Variants in SLC24A3 observed in about 807,000 individuals in gnomAD.
SLC24A3 encodes sodium/potassium/calcium exchanger 3.
In SLC24A3, 28 loss-of-function variants were observed where a neutral mutation model predicts 75.8. The ratio of observed to expected loss-of-function variants is 0.37; its 90% CI spans 0.27 to 0.51. The LOEUF (loss-of-function observed/expected upper bound fraction) is 0.51, where lower values mean the gene tolerates loss of function less well. Ranked by LOEUF, SLC24A3 falls within the 20% of genes least tolerant of loss-of-function variation. SLC24A3 has a pLI of 0.94. For synonymous variants in SLC24A3, 372 were observed against 334.1 expected, an observed-to-expected ratio of 1.11 and a Z score of -1.24; for missense variants, 663 against 847.8, an observed-to-expected ratio of 0.78 and a Z score of 2.71.
At chr20:19,227,377 C>T (rs914173747) in intron 1 of SLC24A3, among the ~76,000 whole-genome samples, 10 of 147,492 alleles carry the variant, frequency 6.8e-5, no homozygotes, top group Non-Finnish European at 1.2e-4. Flanking sequence ...TGCCGTATTT[C>T]AAAAGTCTTG....
chr20:19,229,943 C>T (rs1472381756), intron 1 of SLC24A3, among the ~76,000 whole-genome samples: 1 of 151,998 alleles, frequency 6.6e-6, no homozygotes, highest in African/African-American at 2.4e-5. Flanking sequence ...TCTTAGCTGA[C>T]TCCCCTTGTA....
chr20:19,293,492 C>T (rs570928493), intron 2 of SLC24A3, among the ~76,000 whole-genome samples: 2 of 151,882 alleles, frequency 1.3e-5, no homozygotes, highest in East Asian at 3.9e-4. Flanking sequence ...CCCATCTCTA[C>T]TAAAAATACA....
At chr20:19,507,059 CTAAA>C (rs898380882) in intron 2 of SLC24A3, among the ~76,000 whole-genome samples, 94 of 152,278 alleles carry the variant, frequency 6.2e-4, no homozygotes, top group African/African-American at 2.2e-3. Flanking sequence ...TTTCCAAAGA[CTAAA>C]TATTTAGAAA....
intron 6 of SLC24A3, among the ~76,000 whole-genome samples, chr20:19,607,734 C>G (rs550562637): frequency 6.6e-6 from 1 of 152,338 alleles, no homozygotes; most frequent in South Asian, 2.1e-4. Context: ...TCTTGGTCAA[C>G]TGGACTGCCA....
intron 1 of SLC24A3, among the ~76,000 whole-genome samples, chr20:19,272,708 T>C (rs1186350898): frequency 3.3e-5 from 5 of 152,234 alleles, no homozygotes; most frequent in Non-Finnish European, 7.3e-5. Context: ...ACCTGGGATC[T>C]TTTCTGTACG....
chr20:19,515,362 T>G, intron 2 of SLC24A3, 126 bp from the exon 3 acceptor site: 1 of 923,294 alleles, frequency 1.1e-6, no homozygotes, highest in Non-Finnish European at 1.7e-6. Context: ...TTTTGTGAAC[T>G]TAAAGATTCA....
intron 15 of SLC24A3, among the ~76,000 whole-genome samples, chr20:19,716,975 T>C (rs2033052342): frequency 1.3e-5 from 2 of 152,180 alleles, no homozygotes; most frequent in South Asian, 4.1e-4. Flanking sequence ...TTTACTAACA[T>C]CAGAAATGGA....
At chr20:19,667,996 T>C (rs1427577595) in intron 8 of SLC24A3, among the ~76,000 whole-genome samples, 2 of 152,082 alleles carry the variant, frequency 1.3e-5, no homozygotes, top group East Asian at 1.9e-4. Context: ...GATACATGAG[T>C]TGCAAATCCC....
intron 2 of SLC24A3, among the ~76,000 whole-genome samples, chr20:19,287,860 G>C (rs1482237556): frequency 6.6e-6 from 1 of 152,236 alleles, no homozygotes; most frequent in Admixed American, 6.5e-5. Context: ...TTCGACCTGT[G>C]TGATGCCAAG....
intron 6 of SLC24A3, among the ~76,000 whole-genome samples, chr20:19,606,941 C>G (rs1193189049): frequency 6.6e-6 from 1 of 152,192 alleles, no homozygotes; most frequent in Non-Finnish European, 1.5e-5. Flanking sequence ...CTTGGTACAC[C>G]TGTCAACCCT....
At chr20:19,232,312 A>G (rs1369462401) in intron 1 of SLC24A3, among the ~76,000 whole-genome samples, 1 of 152,212 alleles carries the variant, frequency 6.6e-6, no homozygotes, top group Non-Finnish European at 1.5e-5. Context: ...TTATTTTATG[A>G]ATATTTTTAT....
At chr20:19,265,588 C>G (rs1432485752) in intron 1 of SLC24A3, 1 of 152,142 alleles carries the variant, frequency 6.6e-6, no homozygotes, top group Non-Finnish European at 1.5e-5. Context: ...AAAAAGCCAG[C>G]CCAATCTGGC....
At chr20:19,435,595 G>C (rs1021763217) in intron 2 of SLC24A3, among the ~76,000 whole-genome samples, 2 of 152,196 alleles carry the variant, frequency 1.3e-5, no homozygotes, top group African/African-American at 4.8e-5. Context: ...TGTGCTTAAA[G>C]TACTCACGGT....
chr20:19,394,769 G>A (rs2122394276), intron 2 of SLC24A3, among the ~76,000 whole-genome samples: 1 of 152,288 alleles, frequency 6.6e-6, no homozygotes, highest in Non-Finnish European at 1.5e-5. Context: ...ACTCTTGGAG[G>A]GAATGTAAAA....
chr20:19,243,810 C>G (rs965698461), intron 1 of SLC24A3: 1 of 152,262 alleles, frequency 6.6e-6, no homozygotes, highest in Non-Finnish European at 1.5e-5. Context: ...GCCCCAGGCA[C>G]CACGCTCCTC....
chr20:19,396,864 C>A (rs1333100015), intron 2 of SLC24A3, among the ~76,000 whole-genome samples: 1 of 152,186 alleles, frequency 6.6e-6, no homozygotes, highest in Non-Finnish European at 1.5e-5. Flanking sequence ...ACTCTAACAT[C>A]TCCACTTGCC....
chr20:19,264,334 T>C (rs1392437139), intron 1 of SLC24A3, among the ~76,000 whole-genome samples: 2 of 152,078 alleles, frequency 1.3e-5, no homozygotes, highest in Non-Finnish European at 2.9e-5. Context: ...TCAGGTGCCA[T>C]GGGCAGTTCA....
intron 2 of SLC24A3, among the ~76,000 whole-genome samples, chr20:19,467,260 G>A (rs766066031): frequency 6.6e-6 from 1 of 152,306 alleles, no homozygotes; most frequent in Non-Finnish European, 1.5e-5. Context: ...ATATATTTGA[G>A]AATGAAAGAG....
At chr20:19,556,560 G>A (rs973958112) in intron 3 of SLC24A3, among the ~76,000 whole-genome samples, 2 of 141,026 alleles carry the variant, frequency 1.4e-5, no homozygotes, top group African/African-American at 2.7e-5. Context: ...AATTGTCACT[G>A]TAGTGGCCAG....
Sources: allele counts gnomAD v4.1 joint callset (sites outside exome capture counted in the v4.1 genomes callset), GRCh38; gene constraint gnomAD v4.1.1; transcripts MANE v1.5; gene names NCBI Gene and HGNC (gene_info 2026-07-23, HGNC 2026-07-21).